PCDHGA7: variants seen among roughly 807,000 people sequenced by gnomAD.
PCDHGA7 encodes protocadherin gamma-A7.
PCDHGA7 carries 44 observed loss-of-function variants against 58.3 expected under a neutral mutation model. The ratio of observed to expected loss-of-function variants is 0.75; its 90% CI spans 0.59 to 0.97. PCDHGA7 has a LOEUF of 0.97. PCDHGA7 is among the 50% of genes least tolerant of loss of function. The pLI, the probability that PCDHGA7 is intolerant of heterozygous loss-of-function variation, is 0.00. For missense variants in PCDHGA7, 1,266 were observed against 1,188.7 expected (o/e 1.06, Z -0.96); for synonymous variants, 516 against 504.2 (o/e 1.02, Z -0.31).
At position 141,477,722 on chromosome 5, in the gene PCDHGA7, A is replaced by G. The variant is rs768705340; in HGVS notation, c.2425-17085A>G. 9.3e-6 allele frequency: 15 copies of G among 1,613,878 alleles called. No homozygotes were observed. In the Middle Eastern group the frequency reaches 6.6e-4, roughly 71 times the overall value. On this transcript the variant is annotated intron_variant, in intron 1 of 3. Transcript: ENST00000518325. The surrounding 1 kb of genome is among the most constrained non-coding windows in gnomAD (Gnocchi z 4.9). ...TGAGGATCGGCGGGAATTTGAATTA[A>G]CAGCTCATATCAGCGATGGGGGCAC...
rs990493129 is a variant in PCDHGA7 at position 141,449,560 on chromosome 5, G to C, written c.2425-45247G>C. On this transcript the variant is annotated intron_variant, in intron 1 of 3. Coordinates refer to ENST00000518325, the MANE Select transcript of PCDHGA7 (RefSeq NM_018920.4). ...GCCGAGATCGCACCACTGCACTCCA[G>C]CCTGGGCGACAGAGCAAGACTCTGT... Among the ~76,000 whole-genome samples, 4 of 145,056 alleles carry C rather than the reference G, an allele frequency of 2.8e-5. No homozygotes were observed. The Admixed American group carries it at 2.8e-4, about 10-fold the overall frequency.
intron 2 of PCDHGA7, among the ~76,000 whole-genome samples, chr5:141,503,365 G>A (rs2099819492): frequency 6.6e-6 from 1 of 152,020 alleles, no homozygotes; most frequent in East Asian, 1.9e-4. Flanking sequence ...GGGAAGCGGA[G>A]GCAGGTGGAT....
chr5:141,465,583 A>G (rs1056902823), intron 1 of PCDHGA7, among the ~76,000 whole-genome samples: 10 of 152,162 alleles, frequency 6.6e-5, no homozygotes, highest in African/African-American at 2.4e-4. Flanking sequence ...ACACTCTCAT[A>G]ATAATCAGAT....
intron 1 of PCDHGA7, chr5:141,428,232 G>C (rs546567556): frequency 9.3e-7 from 1 of 1,071,494 alleles, no homozygotes; most frequent in African/African-American, 1.5e-5. Context: ...CAGACAGCCT[G>C]CAGGAGGCAC....
chr5:141,499,401 C>A lies in PCDHGA7; in HGVS notation c.2483+4536C>A, dbSNP rs115575614. ...TTCCACTTATAAAATAGTACATGCTCATTATAGAAACATGAAAAATAGAAA... is the reference window on the plus strand; with the variant it reads ...TTCCACTTATAAAATAGTACATGCTAATTATAGAAACATGAAAAATAGAAA... On this transcript the variant is annotated intron_variant, in intron 2 of 3. Coordinates refer to ENST00000518325, the MANE Select transcript of PCDHGA7 (RefSeq NM_018920.4). Among the ~76,000 whole-genome samples, 871 of 152,186 alleles carry A rather than the reference C, an allele frequency of 5.7e-3. 5 individuals are homozygous for A. Among genetic ancestry groups the A allele is most frequent in the African/African-American group, 0.02 (847 of 41,502 alleles).
intron 2 of PCDHGA7, among the ~76,000 whole-genome samples, chr5:141,498,872 G>T (rs912789877): frequency 1.4e-4 from 21 of 151,650 alleles, no homozygotes; most frequent in Non-Finnish European, 2.9e-4. Flanking sequence ...GGCGGAGGTT[G>T]CAGTGAGCTG....
At chr5:141,403,276 C>T (rs1331205396) in intron 1 of PCDHGA7, 3 of 1,613,844 alleles carry the variant, frequency 1.9e-6, no homozygotes, top group Non-Finnish European at 2.5e-6. Context: ...ACTTTAAAGT[C>T]CTGGTTGAAG....
Position 141,383,556 on chromosome 5 carries a change from C to A in PCDHGA7, c.657C>A (p.Asp219Glu). The change falls in exon 1 of 4, where the codon GAC becomes GAA. Residue 219 changes from aspartate (D) to glutamate (E), a missense_variant. Physicochemically the swap from Asp to Glu is conservative, Grantham distance 45. Transcript: ENST00000518325. ...TCCTCACAGCCTCTGATGGCGGCGA[C>A]CCGCCCCGATCCAGCACCGCCCACA... ...HLVLTASDGG[D>E]PPRSSTAHIQ... The A allele has an allele frequency of 6.2e-7, 1 of 1,612,766 alleles. No individual in the cohort carries two copies. The highest frequency in any genetic ancestry group is 8.5e-7 in the Non-Finnish European group (1 of 1,179,536).
intron 1 of PCDHGA7, chr5:141,399,115 G>C: frequency 6.2e-7 from 1 of 1,613,814 alleles, no homozygotes; most frequent in Non-Finnish European, 8.5e-7. Context: ...ATGTACAGTT[G>C]AAATTAATAT....
intron 1 of PCDHGA7, among the ~76,000 whole-genome samples, chr5:141,483,084 C>CA (rs898059463): frequency 8.0e-5 from 12 of 150,326 alleles, no homozygotes; most frequent in Admixed American, 2.0e-4. Context: ...GACTCCATCT[C>CA]AAAAAAAAAG....
intron 1 of PCDHGA7, chr5:141,393,472 C>A: frequency 6.2e-7 from 1 of 1,614,024 alleles, no homozygotes; most frequent in Non-Finnish European, 8.5e-7. Context: ...GGCGGCAAGC[C>A]GCCTCGCTCT....
intron 2 of PCDHGA7, 79 bp downstream of exon 2, chr5:141,494,944 C>T: frequency 1.9e-6 from 3 of 1,609,850 alleles, no homozygotes; most frequent in Non-Finnish European, 2.5e-6. Context: ...TGGGGGAGGG[C>T]CCAGCATTTG....
At position 141,485,892 on chromosome 5, in the gene PCDHGA7, C is replaced by T; in HGVS notation, c.2425-8915C>T. On this transcript the variant is annotated intron_variant, in intron 1 of 3. Coordinates refer to ENST00000518325, the MANE Select transcript of PCDHGA7 (RefSeq NM_018920.4). The surrounding 1 kb of genome is among the most constrained non-coding windows in gnomAD (Gnocchi z 5.7). ...GTGCTGGACGTAAACGACAACGCCC[C>T]AGCCTTCCAGCAATCCAGCTACAGG... is the stretch of plus-strand genomic sequence containing the variant. 6.2e-7 allele frequency: 1 copy of T among 1,614,194 alleles called. No individual in the cohort carries two copies.
chr5:141,407,009 T>C (rs1388688972), intron 1 of PCDHGA7, among the ~76,000 whole-genome samples: 1 of 152,198 alleles, frequency 6.6e-6, no homozygotes, highest in Non-Finnish European at 1.5e-5. Flanking sequence ...AGCTTTGAAG[T>C]TGACTCAAAA....
intron 2 of PCDHGA7, among the ~76,000 whole-genome samples, chr5:141,497,540 C>A (rs866982821): frequency 7.4e-6 from 1 of 134,944 alleles, no homozygotes; most frequent in African/African-American, 2.8e-5. Context: ...TGCAACAAAC[C>A]TTTTTTTTTT....
chr5:141,422,800 C>T, intron 1 of PCDHGA7: 1 of 1,614,214 alleles, frequency 6.2e-7, no homozygotes, highest in Non-Finnish European at 8.5e-7. Context: ...CGACTATGAG[C>T]AGTTTCGAGA....
rs558609501 is a variant in PCDHGA7, at chr5:141,487,648, G to C, written c.2425-7159G>C. On this transcript the variant is annotated intron_variant, in intron 1 of 3. Coordinates refer to ENST00000518325, the MANE Select transcript of PCDHGA7 (RefSeq NM_018920.4). This position sits in a 1 kb window ranked among gnomAD's most constrained non-coding sequence, Gnocchi z 5.0. ...CTTTGCAGGCTCAACAAATGCTTGA[G>C]GGTTATTCTGATCCAGGCATATGGC... is the stretch of plus-strand genomic sequence containing the variant. 34 of 1,613,904 alleles carry C rather than the reference G, an allele frequency of 2.1e-5. 1 individual carries two copies. The South Asian group carries it at 3.6e-4, about 17-fold the overall frequency.
rs770419617 is a variant in PCDHGA7, at chr5:141,421,523, C to T, written c.2424+36200C>T. The T allele has an allele frequency of 2.5e-6, 4 of 1,614,034 alleles. No homozygotes were observed. In the Admixed American group the frequency reaches 5.0e-5, roughly 20 times the overall value. ...ATAGACCGGGAGGAGCTCTGTGAGA[C>T]GGTGTCCTCCTGTTTTTTAAATATG... On this transcript the variant is annotated intron_variant, in intron 1 of 3. Transcript: ENST00000518325.
intron 1 of PCDHGA7, among the ~76,000 whole-genome samples, chr5:141,469,489 C>T (rs1013080566): frequency 4.6e-5 from 7 of 151,928 alleles, no homozygotes; most frequent in Middle Eastern, 3.4e-3. Context: ...GCAGGAGAAT[C>T]GCTTGAACCC....
Sources: allele counts gnomAD v4.1 joint callset (sites outside exome capture counted in the v4.1 genomes callset), GRCh38; gene constraint gnomAD v4.1.1; non-coding constraint Gnocchi (gnomAD v3.1); transcripts MANE v1.5; gene names NCBI Gene and HGNC (gene_info 2026-07-23, HGNC 2026-07-21).